NDRG2: variants seen among roughly 807,000 people sequenced by gnomAD.
NDRG2 encodes NDRG family member 2.
NDRG2 carries 34 observed loss-of-function variants against 58.2 expected under a neutral mutation model. The observed-to-expected ratio is 0.58, with a 90% confidence interval of 0.44 to 0.78. The LOEUF (loss-of-function observed/expected upper bound fraction) is 0.78. Ranked by LOEUF, NDRG2 falls within the 30% of genes least tolerant of loss-of-function variation. The pLI, the probability that NDRG2 is intolerant of heterozygous loss-of-function variation, is 0.00. For missense variants in NDRG2, 434 were observed against 471.2 expected (o/e 0.92, Z 0.73); for synonymous variants, 187 against 175.9 (o/e 1.06, Z -0.50).
chr14:21,068,761 G>A (rs984953385), intron 1 of NDRG2, among the ~76,000 whole-genome samples: 1 of 152,216 alleles, frequency 6.6e-6, no homozygotes, highest in Non-Finnish European at 1.5e-5. Context: ...GATGGTTACC[G>A]GGGCTTGTTG....
chr14:21,041,555 A>G (rs549924455), intron 1 of NDRG2, among the ~76,000 whole-genome samples: 1 of 152,260 alleles, frequency 6.6e-6, no homozygotes, highest in Admixed American at 6.5e-5. Flanking sequence ...TTGGAGTAGC[A>G]CTGACCCAGA....
chr14:21,021,930 C>T, intron 5 of NDRG2, 51 bp from the exon 6 acceptor site: 1 of 1,611,352 alleles, frequency 6.2e-7, no homozygotes, highest in East Asian at 2.2e-5. Context: ...CTCACACCCC[C>T]CACCTCAGGA....
intron 1 of NDRG2, among the ~76,000 whole-genome samples, chr14:21,045,664 A>C (rs1885110407): frequency 6.6e-6 from 1 of 152,240 alleles, no homozygotes; most frequent in Admixed American, 6.5e-5. Context: ...CAAAATTTAA[A>C]GTGGCTAAAA....
chr14:21,022,863 C>G lies in NDRG2; in HGVS notation c.117+1G>C, dbSNP rs1429144718. 6.2e-7 allele frequency: 1 copy of G among 1,613,642 alleles called. No individual in the cohort carries two copies. The highest frequency in any genetic ancestry group is 1.1e-5 in the South Asian group (1 of 90,944). The stretch of plus-strand genomic sequence containing the variant: ...CCTTGGGACTGCCCCCACACTGTTA[C>G]CTGTCCCTGGTCCAGGAGGATTCGG... On this transcript the variant is annotated splice_donor_variant, in intron 3 of 15. Transcript: ENST00000556147. LOFTEE classifies it high-confidence loss of function.
intron 1 of NDRG2, among the ~76,000 whole-genome samples, chr14:21,049,505 A>G (rs1471110085): frequency 6.6e-6 from 1 of 151,954 alleles, no homozygotes; most frequent in African/African-American, 2.4e-5. Context: ...ACAAGATGAA[A>G]TTTCCTATCT....
rs1233864399 is a variant in NDRG2 at position 21,018,500 on chromosome 14, T to C, written c.818A>G (p.Glu273Gly). 6.2e-7 allele frequency: 1 copy of C among 1,613,946 alleles called. No individual in the cohort carries two copies. Residue 273 changes from glutamate (E) to glycine (G), a missense_variant, in exon 13 of 16, where the codon GAA becomes GGA. Physicochemically the swap from Glu to Gly is moderately conservative, Grantham distance 98. Coordinates refer to ENST00000556147, the MANE Select transcript of NDRG2 (RefSeq NM_001320329.2). ...GGTGGGGTCCAGTTTTGAGTTACATTCCACCTGGAGTAAGCAGGAGGCTGA... is the reference window on the plus strand; with the variant it reads ...GGTGGGGTCCAGTTTTGAGTTACATCCCACCTGGAGTAAGCAGGAGGCTGA... ...DQAPHEDAVV[E>G]CNSKLDPTQT... is the part of the protein sequence containing the mutation.
In NDRG2 at chr14:21,034,128, C is replaced by A. The variant is rs1159412722; in HGVS notation, c.25-10807G>T. On this transcript the variant is annotated intron_variant, in intron 1 of 14. Transcript: ENST00000403829. ...CTTGCCTCGCATATAGGACATCAGA[C>A]CATTACAATAGCCCCGGAAACCCTT... 3 of 1,614,074 alleles carry A rather than the reference C, an allele frequency of 1.9e-6. No individual in the cohort carries two copies. The African/African-American group carries it at 4.0e-5, about 22-fold the overall frequency.
chr14:21,067,163 A>C (rs1488846692), intron 1 of NDRG2, among the ~76,000 whole-genome samples: 1 of 152,220 alleles, frequency 6.6e-6, no homozygotes, highest in Non-Finnish European at 1.5e-5. Flanking sequence ...GTACAGACAC[A>C]GGTGTTTCTT....
At chr14:21,037,737 A>AT (rs1413259309) in intron 1 of NDRG2, among the ~76,000 whole-genome samples, 1 of 152,242 alleles carries the variant, frequency 6.6e-6, no homozygotes, top group Non-Finnish European at 1.5e-5. Flanking sequence ...ACATCAAAAT[A>AT]TTTTTGTTAA....
chr14:21,039,645 C>T (rs1295930647), intron 1 of NDRG2, among the ~76,000 whole-genome samples: 1 of 152,208 alleles, frequency 6.6e-6, no homozygotes, highest in Admixed American at 6.5e-5. Context: ...GGCACACAAA[C>T]AAAATCACCT....
At chr14:21,051,128 G>C (rs1241810703) in intron 1 of NDRG2, among the ~76,000 whole-genome samples, 5 of 152,288 alleles carry the variant, frequency 3.3e-5, no homozygotes, top group East Asian at 1.9e-4. Flanking sequence ...ACACATCTGT[G>C]TTCCACCTGG....
upstream of NDRG2, among the ~76,000 whole-genome samples, chr14:21,029,779 C>T (rs1883934929): frequency 3.3e-5 from 5 of 152,266 alleles, no homozygotes; most frequent in South Asian, 1.0e-3. Flanking sequence ...GAGGACACAG[C>T]AAGAAGGTGC....
At chr14:21,052,729 T>A (rs1456315220) in intron 1 of NDRG2, among the ~76,000 whole-genome samples, 1 of 152,140 alleles carries the variant, frequency 6.6e-6, no homozygotes, top group Non-Finnish European at 1.5e-5. Context: ...CCACTGGAGA[T>A]AAACAGATGA....
intron 1 of NDRG2, among the ~76,000 whole-genome samples, chr14:21,048,923 G>T (rs1396925350): frequency 6.6e-6 from 1 of 152,246 alleles, no homozygotes; most frequent in Non-Finnish European, 1.5e-5. Flanking sequence ...ATTAGTTTCT[G>T]TAGATAAGGT....
chr14:21,020,608 T>A, intron 7 of NDRG2, 26 bp from the exon 8 acceptor site: 2 of 1,609,918 alleles, frequency 1.2e-6, no homozygotes, highest in Non-Finnish European at 1.7e-6. Flanking sequence ...AGGAAGGAAA[T>A]GAGAAACAGG....
At chr14:21,029,857 C>T (rs1221828528), upstream of NDRG2, among the ~76,000 whole-genome samples, 1 of 152,314 alleles carries the variant, frequency 6.6e-6, no homozygotes, top group Non-Finnish European at 1.5e-5. Flanking sequence ...TTAGACTTCT[C>T]AGCCTTCAGA....
upstream of NDRG2, among the ~76,000 whole-genome samples, chr14:21,026,423 T>G (rs932313734): frequency 3.3e-5 from 5 of 151,208 alleles, no homozygotes; most frequent in African/African-American, 4.9e-5. Flanking sequence ...CAATGGAACT[T>G]GAGCTGCCAA....
intron 1 of NDRG2, among the ~76,000 whole-genome samples, chr14:21,056,240 C>T (rs1885669640): frequency 6.6e-6 from 1 of 152,078 alleles, no homozygotes; most frequent in African/African-American, 2.4e-5. Context: ...GAGCCAGTTC[C>T]CCAACTGCAG....
intron 1 of NDRG2, chr14:21,034,325 C>T: frequency 6.6e-7 from 1 of 1,517,908 alleles, no homozygotes. Flanking sequence ...TTGGGGGCAG[C>T]AGTGGGCCTG....
Sources: gnomAD v4.1 joint callset for allele counts (sites outside exome capture counted in the v4.1 genomes callset) on GRCh38, gnomAD v4.1.1 for gene constraint, MANE v1.5 for transcripts, NCBI Gene and HGNC (gene_info 2026-07-23, HGNC 2026-07-21) for gene names.